The following IL1RAPL1 variants were observed in gnomAD, a reference collection of about 807,000 sequenced individuals.
IL1RAPL1 encodes interleukin 1 receptor accessory protein like 1.
IL1RAPL1 carries 3 observed loss-of-function variants against 48.4 expected under a neutral mutation model. The ratio of observed to expected loss-of-function variants is 0.06; its 90% CI spans 0.03 to 0.16. The LOEUF (loss-of-function observed/expected upper bound fraction) is 0.16, where lower values mean the gene tolerates loss of function less well. IL1RAPL1 is among the 10% of genes least tolerant of loss of function. The pLI is 1.00. For missense variants in IL1RAPL1, 349 were observed against 530.6 expected, an observed-to-expected ratio of 0.66 and a Z score of 3.36; for synonymous variants, 185 against 187.7, an observed-to-expected ratio of 0.99 and a Z score of 0.12.
At chrX:29,660,991 T>C (rs1451308941) in intron 5 of IL1RAPL1, among the ~76,000 whole-genome samples, 2 of 112,270 alleles carry the variant, frequency 1.8e-5, no homozygotes, top group Non-Finnish European at 3.8e-5. Flanking sequence ...TTCATTTGTG[T>C]ACATCCTCTT....
chrX:29,174,985 A>T (rs1218044082), intron 2 of IL1RAPL1, among the ~76,000 whole-genome samples: 1 of 106,114 alleles, frequency 9.4e-6, no homozygotes, highest in African/African-American at 3.5e-5. Context: ...GAGGCAGGGG[A>T]ATGGCGTGAA....
intron 6 of IL1RAPL1, among the ~76,000 whole-genome samples, chrX:29,865,636 CT>C (rs1171882981): frequency 0.05 from 3,792 of 76,225 alleles, 80 homozygotes; most frequent in African/African-American, 0.14. Flanking sequence ...CTTTTCTTTT[CT>C]TTTTTTTTTT....
rs113609088 is a variant in IL1RAPL1, at chrX:28,941,301, A to G, written c.82+151876A>G. ...TCAAAAGGGTAGAGATTAGCGTTTC[A>G]TTTTGTTTTTGACTTATCTCTCTTG... is the stretch of plus-strand genomic sequence containing the variant. On this transcript the variant is annotated intron_variant, in intron 2 of 10. Transcript: ENST00000378993. 5.6e-3 allele frequency among the ~76,000 whole-genome samples: 620 copies of G among 111,375 alleles called. 5 individuals carry two copies. Among genetic ancestry groups the G allele is most frequent in the African/African-American group, 0.019 (582 of 30,862 alleles).
rs1932778081 is a variant in IL1RAPL1, at chrX:29,318,456, G to C, written c.362+35239G>C. On this transcript the variant is annotated intron_variant, in intron 3 of 10. Coordinates refer to ENST00000378993, the MANE Select transcript of IL1RAPL1 (RefSeq NM_014271.4). ...TGTTAGTATAAACCTGCCTATATCT[G>C]ATAATTGTTGGTGGGCATGAAGTAA... Among the ~76,000 whole-genome samples, 3 of 112,380 alleles carry C rather than the reference G, an allele frequency of 2.7e-5. No homozygotes were observed. In the Admixed American group the frequency reaches 2.8e-4, roughly 11 times the overall value.
chrX:28,904,061 A>C (rs1348393557), intron 2 of IL1RAPL1, among the ~76,000 whole-genome samples: 1 of 110,779 alleles, frequency 9.0e-6, no homozygotes, highest in East Asian at 2.8e-4. Context: ...CTGAAGATGC[A>C]GAGTATTAGA....
At chrX:28,995,829 C>T (rs1033444419) in intron 2 of IL1RAPL1, among the ~76,000 whole-genome samples, 2 of 109,894 alleles carry the variant, frequency 1.8e-5, no homozygotes, top group East Asian at 2.8e-4. Flanking sequence ...TCAGTATAGC[C>T]GAGGCATCCC....
At chrX:29,213,068 G>T (rs5943486) in intron 2 of IL1RAPL1, among the ~76,000 whole-genome samples, 41,092 of 110,127 alleles carry the variant, frequency 0.37, 7,360 homozygotes, top group Non-Finnish European at 0.55. Context: ...GCACAATCTC[G>T]GCTCACCGCA....
intron 5 of IL1RAPL1, among the ~76,000 whole-genome samples, chrX:29,449,205 T>A (rs1934647061): frequency 8.9e-6 from 1 of 111,958 alleles, no homozygotes; most frequent in Non-Finnish European, 1.9e-5. Flanking sequence ...GATTAGTGGC[T>A]GCAGGGTGAG....
intron 2 of IL1RAPL1, among the ~76,000 whole-genome samples, chrX:28,966,945 G>A (rs1399676485): frequency 8.9e-6 from 1 of 111,779 alleles, no homozygotes; most frequent in African/African-American, 3.2e-5. Flanking sequence ...CACAAGAGGT[G>A]GCCAACTCAA....
intron 1 of IL1RAPL1, among the ~76,000 whole-genome samples, chrX:28,760,515 T>A (rs1037144710): frequency 8.9e-6 from 1 of 111,968 alleles, no homozygotes; most frequent in Non-Finnish European, 1.9e-5. Flanking sequence ...AAGGTGGCAC[T>A]AACACTTTAT....
At chrX:29,812,156 G>A (rs1245280863) in intron 6 of IL1RAPL1, among the ~76,000 whole-genome samples, 1 of 112,190 alleles carries the variant, frequency 8.9e-6, no homozygotes, top group Admixed American at 9.5e-5. Context: ...GATTTAAAAT[G>A]TTTCAGTCAA....
chrX:29,457,008 C>T (rs1289325154), intron 5 of IL1RAPL1, among the ~76,000 whole-genome samples: 1 of 108,756 alleles, frequency 9.2e-6, no homozygotes, highest in Non-Finnish European at 1.9e-5. Flanking sequence ...GTGGCATGCG[C>T]CTGTGGTCCC....
At chrX:29,495,790 G>A (rs991226827) in intron 5 of IL1RAPL1, among the ~76,000 whole-genome samples, 8 of 110,963 alleles carry the variant, frequency 7.2e-5, no homozygotes, top group African/African-American at 2.3e-4. Context: ...CAACATGATC[G>A]AATCATTTCA....
At chrX:29,163,446 T>C (rs1929726553) in intron 2 of IL1RAPL1, among the ~76,000 whole-genome samples, 2 of 111,907 alleles carry the variant, frequency 1.8e-5, no homozygotes, top group South Asian at 7.4e-4. Flanking sequence ...TGTGCTTAAA[T>C]TGATAGGCAG....
At chrX:29,516,652 C>A (rs746744982) in intron 5 of IL1RAPL1, among the ~76,000 whole-genome samples, 32 of 110,948 alleles carry the variant, frequency 2.9e-4, no homozygotes, top group Non-Finnish European at 4.7e-4. Flanking sequence ...TATGAATATA[C>A]TCCAATTTAA....
At chrX:28,708,245 GAAA>G (rs1935399062) in intron 1 of IL1RAPL1, among the ~76,000 whole-genome samples, 1 of 111,317 alleles carries the variant, frequency 9.0e-6, no homozygotes, top group African/African-American at 3.3e-5. Context: ...TTGTTGCTGA[GAAA>G]AATCTCAGAA....
In IL1RAPL1 at chrX:29,871,047, G is replaced by A. The variant is rs917983177; in HGVS notation, c.779-46417G>A. Among the ~76,000 whole-genome samples the A allele has an allele frequency of 4.1e-4, 46 of 112,415 alleles. 1 individual carries two copies. The Middle Eastern group carries it at 0.014, about 34-fold the overall frequency. ...ATTCCTTTCTGAAGCTCTAGGAAGA[G>A]TCCATTTCCTTGCCTTTTCTAAATT... is the stretch of plus-strand genomic sequence containing the variant. On this transcript the variant is annotated intron_variant, in intron 6 of 10. Coordinates refer to ENST00000378993, the MANE Select transcript of IL1RAPL1 (RefSeq NM_014271.4).
At chrX:29,394,189 T>C (rs1320653379) in intron 3 of IL1RAPL1, among the ~76,000 whole-genome samples, 2 of 110,806 alleles carry the variant, frequency 1.8e-5, no homozygotes, top group Non-Finnish European at 3.8e-5. Flanking sequence ...TGTCCCAATG[T>C]GTATTGCTTT....
intron 2 of IL1RAPL1, among the ~76,000 whole-genome samples, chrX:28,802,298 G>T (rs1936685380): frequency 8.9e-6 from 1 of 112,003 alleles, no homozygotes; most frequent in South Asian, 3.6e-4. Flanking sequence ...GTCTATTTTT[G>T]CTTATTTAAG....
Sources: gnomAD v4.1 joint callset for allele counts (sites outside exome capture counted in the v4.1 genomes callset) on GRCh38, gnomAD v4.1.1 for gene constraint, MANE v1.5 for transcripts, NCBI Gene and HGNC (gene_info 2026-07-23, HGNC 2026-07-21) for gene names.